CDKAL1: variants seen among roughly 807,000 people sequenced by gnomAD.
The protein encoded by CDKAL1 is threonylcarbamoyladenosine tRNA methylthiotransferase.
A neutral mutation model predicts 68.2 loss-of-function variants in CDKAL1; 32 were observed. The ratio of observed to expected loss-of-function variants is 0.47; its 90% CI spans 0.35 to 0.63. The LOEUF is 0.63. CDKAL1 is among the 30% of genes least tolerant of loss of function. The pLI, the probability that CDKAL1 is intolerant of heterozygous loss-of-function variation, is 0.00. For missense variants in CDKAL1, 606 were observed against 696.7 expected, an observed-to-expected ratio of 0.87 and a Z score of 1.47; for synonymous variants, 234 against 244.3, an observed-to-expected ratio of 0.96 and a Z score of 0.39.
intron 13 of CDKAL1, among the ~76,000 whole-genome samples, chr6:21,168,241 G>GCTC (rs941967876): frequency 6.6e-6 from 1 of 152,190 alleles, no homozygotes; most frequent in African/African-American, 2.4e-5. Flanking sequence ...CCAGCCTTCT[G>GCTC]CTCCTCCTCC....
chr6:20,757,566 ACACAC>A (rs1284483435), intron 6 of CDKAL1, among the ~76,000 whole-genome samples: 2 of 138,702 alleles, frequency 1.4e-5, no homozygotes, highest in Non-Finnish European at 3.2e-5. Flanking sequence ...ACACACACAC[ACACAC>A]CCTCTATCAT....
chr6:20,772,046 A>C (rs1774969547), intron 7 of CDKAL1, among the ~76,000 whole-genome samples: 1 of 152,146 alleles, frequency 6.6e-6, no homozygotes, highest in African/African-American at 2.4e-5. Context: ...CAAGTTCCTT[A>C]TGTCTTGTAC....
intron 9 of CDKAL1, among the ~76,000 whole-genome samples, chr6:20,935,794 T>A (rs1331845417): frequency 1.3e-5 from 2 of 152,140 alleles, no homozygotes; most frequent in Non-Finnish European, 2.9e-5. Context: ...GGTCTACAAC[T>A]CCTGCGCTCA....
chr6:21,057,954 A>C (rs2150922037), intron 11 of CDKAL1, among the ~76,000 whole-genome samples: 1 of 152,368 alleles, frequency 6.6e-6, no homozygotes, highest in East Asian at 1.9e-4. Context: ...TTTTAGAGTA[A>C]GTGCCATGTG....
chr6:21,198,360 C>T (rs944675635), intron 14 of CDKAL1, among the ~76,000 whole-genome samples: 1 of 152,128 alleles, frequency 6.6e-6, no homozygotes, highest in Non-Finnish European at 1.5e-5. Flanking sequence ...GGCTTTTGGG[C>T]GTTTGGAACC....
At chr6:20,935,183 C>T (rs1379070414) in intron 9 of CDKAL1, among the ~76,000 whole-genome samples, 1 of 152,124 alleles carries the variant, frequency 6.6e-6, no homozygotes, top group Non-Finnish European at 1.5e-5. Flanking sequence ...TGTGAGCCAC[C>T]ATGCCTGGCC....
chr6:20,849,389 C>T (rs1758879852), intron 9 of CDKAL1, among the ~76,000 whole-genome samples: 2 of 151,948 alleles, frequency 1.3e-5, no homozygotes, highest in Non-Finnish European at 2.9e-5. Flanking sequence ...CGAGACCATC[C>T]TAACTAACAC....
At chr6:20,579,185 C>T (rs1561939307) in intron 4 of CDKAL1, among the ~76,000 whole-genome samples, 1 of 152,044 alleles carries the variant, frequency 6.6e-6, no homozygotes, top group Non-Finnish European at 1.5e-5. Flanking sequence ...CAACTTGTTG[C>T]CCTGGCTGGT....
intron 11 of CDKAL1, among the ~76,000 whole-genome samples, chr6:21,002,577 G>A (rs974240757): frequency 2.0e-5 from 3 of 151,416 alleles, no homozygotes; most frequent in Non-Finnish European, 4.4e-5. Flanking sequence ...AAGATATATT[G>A]CAAAACTGTA....
chr6:21,231,038 A>T lies in CDKAL1; in HGVS notation c.1739A>T (p.Ter580LeuextTer16). 6.3e-7 allele frequency: 1 copy of T among 1,588,170 alleles called. No individual in the cohort carries two copies. Among genetic ancestry groups the T allele is most frequent in the South Asian group, 1.1e-5 (1 of 88,244 alleles). Residue 580 changes from the stop codon to leucine (L), a stop_lost, in exon 16 of 16, where the codon TAG becomes TTG. Coordinates refer to ENST00000274695, the MANE Select transcript of CDKAL1 (RefSeq NM_017774.3). Reference protein sequence around the residue: ...LFAFFVKVYN* With the variant: ...LFAFFVKVYNL The stretch of plus-strand genomic sequence containing the variant: ...GCTTTTTTTGTCAAGGTCTATAATT[A>T]GAATACAACTAATGGAAACATCTAT...
Position 20,765,456 on chromosome 6 carries a change from G to A in CDKAL1, c.517+6813G>A, listed in dbSNP as rs1325325497. On this transcript the variant is annotated intron_variant, in intron 7 of 15. Transcript: ENST00000274695. The stretch of plus-strand genomic sequence containing the variant: ...CAGGCGTGAGCCACCGCGCCCGGCC[G>A]GTTACATTCTTAAATGCACTCAGTT... Among the ~76,000 whole-genome samples, 3 of 151,624 alleles carry A rather than the reference G, an allele frequency of 2.0e-5. 1 individual carries two copies. The highest frequency in any genetic ancestry group is 2.1e-4 in the South Asian group (1 of 4,778).
At chr6:21,185,322 CTG>C (rs1456510786) in intron 13 of CDKAL1, among the ~76,000 whole-genome samples, 23 of 151,990 alleles carry the variant, frequency 1.5e-4, no homozygotes, top group African/African-American at 5.3e-4. Flanking sequence ...GACTAAATAA[CTG>C]TGTCCTTTCT....
At chr6:21,205,329 T>C (rs992037593) in intron 15 of CDKAL1, among the ~76,000 whole-genome samples, 14 of 70,984 alleles carry the variant, frequency 2.0e-4, no homozygotes, top group Non-Finnish European at 3.4e-4. Context: ...GAAATAAGAT[T>C]GCTGGATTGT....
At chr6:20,783,240 G>A (rs1473675360) in intron 8 of CDKAL1, among the ~76,000 whole-genome samples, 1 of 152,010 alleles carries the variant, frequency 6.6e-6, no homozygotes, top group African/African-American at 2.4e-5. Flanking sequence ...GAAAAATGCC[G>A]GTTTTGTGTG....
chr6:21,070,988 C>T (rs1771743668), intron 12 of CDKAL1, among the ~76,000 whole-genome samples: 1 of 152,208 alleles, frequency 6.6e-6, no homozygotes, highest in Admixed American at 6.5e-5. Flanking sequence ...ACTGATCTTG[C>T]TTACTAATCC....
chr6:20,593,360 T>C (rs1765676009), intron 4 of CDKAL1, among the ~76,000 whole-genome samples: 1 of 152,182 alleles, frequency 6.6e-6, no homozygotes, highest in African/African-American at 2.4e-5. Context: ...TTGTTATTGC[T>C]GTGCTCAGGG....
intron 5 of CDKAL1, among the ~76,000 whole-genome samples, chr6:20,685,822 C>T (rs1770593057): frequency 6.6e-6 from 1 of 152,280 alleles, no homozygotes; most frequent in East Asian, 1.9e-4. Flanking sequence ...CTTCTGAGTT[C>T]AAGTGATCCT....
intron 8 of CDKAL1, among the ~76,000 whole-genome samples, chr6:20,826,645 A>T (rs756334738): frequency 6.6e-6 from 1 of 152,166 alleles, no homozygotes; most frequent in Non-Finnish European, 1.5e-5. Flanking sequence ...GAGTCATACT[A>T]ATCACGAACT....
Position 20,846,194 on chromosome 6 carries a change from A to C in CDKAL1, c.742+16A>C, listed in dbSNP as rs774335981. 1 of 1,454,340 alleles carries C rather than the reference A, an allele frequency of 6.9e-7. No homozygotes were observed. The highest frequency in any genetic ancestry group is 2.3e-5 in the East Asian group (1 of 43,934). The allele number at this position is 1,454,340 out of a possible 1,614,324, so 90.1% of individuals were successfully genotyped here. On this transcript the variant is annotated intron_variant, in intron 9 of 15. Transcript: ENST00000274695. The stretch of plus-strand genomic sequence containing the variant: ...TCTTTTCAAGGTAAGAGTTTCTAGA[A>C]TTATATGTGAAATTAGTCTTCTTAA...
Sources: gnomAD v4.1 joint callset for allele counts (sites outside exome capture counted in the v4.1 genomes callset) on GRCh38, gnomAD v4.1.1 for gene constraint, MANE v1.5 for transcripts, NCBI Gene and HGNC (gene_info 2026-07-23, HGNC 2026-07-21) for gene names.